Variants in CCDC68 observed in about 807,000 individuals in gnomAD.
The protein encoded by CCDC68 is coiled-coil domain-containing protein 68.
CCDC68 carries 45 observed loss-of-function variants against 47.1 expected under a neutral mutation model. That is an observed-to-expected ratio of 0.96 (90% CI 0.75 to 1.23). The LOEUF (loss-of-function observed/expected upper bound fraction) is 1.23. CCDC68 is among the 50% of genes most tolerant of loss of function. CCDC68 has a pLI of 0.00. For missense variants in CCDC68, 353 were observed against 373.6 expected (o/e 0.94, Z 0.45); for synonymous variants, 131 against 129.5 (o/e 1.01, Z -0.08).
intron 10 of CCDC68, among the ~76,000 whole-genome samples, chr18:54,908,549 A>G (rs1397069247): frequency 6.6e-6 from 1 of 152,102 alleles, no homozygotes; most frequent in Non-Finnish European, 1.5e-5. Context: ...TGGTTACATG[A>G]CCTCATTTAG....
At chr18:54,920,539 T>C (rs1345627049) in intron 8 of CCDC68, among the ~76,000 whole-genome samples, 1 of 152,318 alleles carries the variant, frequency 6.6e-6, no homozygotes, top group East Asian at 1.9e-4. Flanking sequence ...TAAAATACTA[T>C]ATAGCATGTT....
At chr18:54,938,210 A>G in intron 4 of CCDC68, 113 bp from the exon 5 acceptor site, 1 of 951,442 alleles carries the variant, frequency 1.1e-6, no homozygotes, top group Admixed American at 3.3e-5. Flanking sequence ...GATCAGCACA[A>G]ACAAACATCT....
chr18:54,959,245 C>T (rs2145692733), intron 1 of CCDC68, 91 bp downstream of exon 1: 2 of 152,440 alleles, frequency 1.3e-5, no homozygotes, highest in South Asian at 2.1e-4. Flanking sequence ...CTGGGGAAGC[C>T]GCTGGAAAGG....
chr18:54,951,495 A>G (rs1337491977), intron 1 of CCDC68, among the ~76,000 whole-genome samples: 5 of 152,204 alleles, frequency 3.3e-5, no homozygotes, highest in Admixed American at 1.3e-4. Flanking sequence ...AACAAGGCTC[A>G]ACAAGATAAA....
intron 1 of CCDC68, among the ~76,000 whole-genome samples, chr18:54,954,008 C>T (rs1417982845): frequency 7.3e-6 from 1 of 137,188 alleles, no homozygotes; most frequent in Non-Finnish European, 1.6e-5. Flanking sequence ...TTCCCCTCCC[C>T]TCCCCTCGCC....
In CCDC68 at chr18:54,904,272, C is replaced by G. The variant is rs987494044; in HGVS notation, c.*86G>C. On this transcript the variant is annotated 3_prime_UTR_variant, in exon 12 of 12. Coordinates refer to ENST00000591504, the MANE Select transcript of CCDC68 (RefSeq NM_025214.3). ...GTTCCATTTAAATAATGGCATTTTG[C>G]CATTTTAACATGAAACTTGGGCTGT... 76 of 1,049,274 alleles carry G rather than the reference C, an allele frequency of 7.2e-5. No individual in the cohort carries two copies. Among genetic ancestry groups the G allele is most frequent in the Non-Finnish European group, 1.1e-4 (75 of 684,416 alleles). The allele number at this position is 1,049,274 out of a possible 1,614,324, so 65.0% of individuals were successfully genotyped here.
intron 1 of CCDC68, among the ~76,000 whole-genome samples, chr18:54,947,003 C>T (rs1276924312): frequency 2.0e-5 from 3 of 152,172 alleles, no homozygotes; most frequent in African/African-American, 7.2e-5. Flanking sequence ...AATTAAATTC[C>T]ATTTCTGTCT....
At chr18:54,939,591 CCTT>C (rs2044403492) in intron 4 of CCDC68, among the ~76,000 whole-genome samples, 1 of 152,006 alleles carries the variant, frequency 6.6e-6, no homozygotes, top group Non-Finnish European at 1.5e-5. Context: ...GATCTGCTGA[CCTT>C]CTGTGGTTTG....
intron 1 of CCDC68, among the ~76,000 whole-genome samples, chr18:54,945,972 C>A (rs2044518125): frequency 6.6e-6 from 1 of 152,136 alleles, no homozygotes; most frequent in East Asian, 1.9e-4. Context: ...AATCCAGTTT[C>A]CCTCCTGTTT....
chr18:54,911,001 G>C (rs945876553), intron 10 of CCDC68, among the ~76,000 whole-genome samples: 5 of 152,224 alleles, frequency 3.3e-5, no homozygotes, highest in Non-Finnish European at 7.3e-5. Flanking sequence ...GTGCCCAGTA[G>C]GGGTGGGGCT....
At chr18:54,956,223 C>T (rs555421937) in intron 1 of CCDC68, among the ~76,000 whole-genome samples, 3 of 152,198 alleles carry the variant, frequency 2.0e-5, no homozygotes, top group Admixed American at 6.5e-5. Flanking sequence ...TTCCTGACCT[C>T]GTGATCTGCC....
intron 1 of CCDC68, among the ~76,000 whole-genome samples, chr18:54,951,775 C>T (rs1240502192): frequency 6.6e-6 from 1 of 152,158 alleles, no homozygotes; most frequent in Non-Finnish European, 1.5e-5. Flanking sequence ...TAGATTTATT[C>T]CATGAACAAA....
intron 7 of CCDC68, among the ~76,000 whole-genome samples, chr18:54,931,938 T>A (rs954480355): frequency 4.6e-5 from 7 of 152,138 alleles, no homozygotes; most frequent in African/African-American, 1.7e-4. Flanking sequence ...CAGGCCAATA[T>A]TTATCAACCT....
chr18:54,949,398 A>C (rs2145628705), intron 1 of CCDC68, among the ~76,000 whole-genome samples: 1 of 152,220 alleles, frequency 6.6e-6, no homozygotes, highest in Non-Finnish European at 1.5e-5. Flanking sequence ...AAACTTTTTG[A>C]GGCTTCGTTT....
At position 54,945,709 on chromosome 18, in the gene CCDC68, T is replaced by C. The variant is rs149597950; in HGVS notation, c.-102-232A>G. ...TCCTCTTAGCAGCTATGGCTTCTAT[T>C]AAATATTTGTTTCCGCTGAAGTTGA... On this transcript the variant is annotated intron_variant, in intron 1 of 11. Coordinates refer to ENST00000591504, the MANE Select transcript of CCDC68 (RefSeq NM_025214.3). Among the ~76,000 whole-genome samples the C allele has an allele frequency of 3.7e-3, 558 of 152,350 alleles. 7 individuals are homozygous for C. Among genetic ancestry groups the C allele is most frequent in the African/African-American group, 0.013 (529 of 41,576 alleles).
Position 54,927,597 on chromosome 18 carries a change from A to G in CCDC68, c.683+1203T>C, listed in dbSNP as rs577489123. 3.3e-5 allele frequency among the ~76,000 whole-genome samples: 5 copies of G among 152,368 alleles called. No individual in the cohort carries two copies. In the South Asian group the frequency reaches 1.0e-3, roughly 32 times the overall value. ...AAGATGTACTTAGAATTAAGTTATG[A>G]ATATCCATATGTAATTCCAAGATCT... On this transcript the variant is annotated intron_variant, in intron 8 of 11. Transcript: ENST00000591504.
chr18:54,917,082 T>C (rs906980104), intron 10 of CCDC68, among the ~76,000 whole-genome samples: 3 of 152,318 alleles, frequency 2.0e-5, no homozygotes, highest in Non-Finnish European at 4.4e-5. Flanking sequence ...GGGTATGTCT[T>C]TATTAGCAGT....
At chr18:54,918,747 C>T (rs1414575023) in intron 9 of CCDC68, among the ~76,000 whole-genome samples, 1 of 152,114 alleles carries the variant, frequency 6.6e-6, no homozygotes, top group Non-Finnish European at 1.5e-5. Flanking sequence ...TAAAACAGAA[C>T]CCCAAAACCA....
At chr18:54,911,207 C>T (rs553470174) in intron 10 of CCDC68, among the ~76,000 whole-genome samples, 1 of 128,802 alleles carries the variant, frequency 7.8e-6, no homozygotes, top group Non-Finnish European at 1.8e-5. Context: ...GCTACCACAG[C>T]TGGCCATTTT....
Sources: allele counts gnomAD v4.1 joint callset (sites outside exome capture counted in the v4.1 genomes callset), GRCh38; gene constraint gnomAD v4.1.1; transcripts MANE v1.5; gene names NCBI Gene and HGNC (gene_info 2026-07-23, HGNC 2026-07-21).